TNFRSF1B: variants seen among roughly 807,000 people sequenced by gnomAD.
TNFRSF1B encodes TNF receptor superfamily member 1B, also known as tumor necrosis factor receptor superfamily member 1B.
TNFRSF1B carries 19 observed loss-of-function variants against 44.6 expected under a neutral mutation model. That is an observed-to-expected ratio of 0.43 (90% CI 0.30 to 0.62). The LOEUF (loss-of-function observed/expected upper bound fraction) is 0.62. Among genes scored for constraint, TNFRSF1B ranks in the 20% least tolerant of loss-of-function variants. The pLI is 0.16. For missense variants in TNFRSF1B, 541 were observed against 619.9 expected (o/e 0.87, Z 1.35); for synonymous variants, 252 against 261.1 (o/e 0.97, Z 0.34).
In TNFRSF1B at chr1:12,194,172, G is replaced by A. The variant is rs375458572; in HGVS notation, c.865+140G>A. The A allele has an allele frequency of 3.0e-4, 207 of 691,212 alleles. No homozygotes were observed. The African/African-American group carries it at 3.5e-3, about 12-fold the overall frequency. The allele number at this position is 691,212 out of a possible 1,614,324, so 42.8% of individuals were successfully genotyped here. A position where few individuals can be genotyped will look rare whatever the true frequency, so the allele number is the denominator to read the frequency against. On this transcript the variant is annotated intron_variant, in intron 7 of 9. Coordinates refer to ENST00000376259, the MANE Select transcript of TNFRSF1B (RefSeq NM_001066.3). ...GGTCCTTGTTCTGTAGGAGCTTAAG[G>A]CCTGGGGTGAAGGTACCTCTGCTAA... is the stretch of plus-strand genomic sequence containing the variant.
intron 1 of TNFRSF1B, among the ~76,000 whole-genome samples, chr1:12,181,786 G>A (rs1034983379): frequency 3.9e-5 from 6 of 152,116 alleles, no homozygotes; most frequent in African/African-American, 1.4e-4. Flanking sequence ...AGAGGCCCAG[G>A]ACCAGCCCAA....
At chr1:12,181,934 G>A (rs816050) in intron 1 of TNFRSF1B, among the ~76,000 whole-genome samples, 30,925 of 152,132 alleles carry the variant, frequency 0.2, 3,269 homozygotes, top group African/African-American at 0.25. Flanking sequence ...AAGAACCCAG[G>A]GCTGGTCCTT....
intron 4 of TNFRSF1B, 137 bp from the exon 5 acceptor site, chr1:12,192,294 G>A: frequency 1.4e-6 from 1 of 732,916 alleles, no homozygotes; most frequent in Non-Finnish European, 2.4e-6. Flanking sequence ...GTGTGTGTGT[G>A]TGTGTGTGTG....
rs551798712 is a variant in TNFRSF1B at position 12,199,693 on chromosome 1, T to A, written c.901-2274T>A. ...GCTCCCTCTGGAGGGAGGCAGGAGG[T>A]CTCAGCCTTTCTTGGGGGGCGGTGG... is the stretch of plus-strand genomic sequence containing the variant. On this transcript the variant is annotated intron_variant, in intron 8 of 9. Coordinates refer to ENST00000376259, the MANE Select transcript of TNFRSF1B (RefSeq NM_001066.3). The surrounding 1 kb of genome is among the most constrained non-coding windows in gnomAD (Gnocchi z 4.0). 6.6e-6 allele frequency among the ~76,000 whole-genome samples: 1 copy of A among 151,922 alleles called. No homozygotes were observed. The highest frequency in any genetic ancestry group is 1.9e-4 in the East Asian group (1 of 5,150).
At chr1:12,202,214 G>T (rs775218211) in intron 9 of TNFRSF1B, 43 bp downstream of exon 9, 1 of 1,532,534 alleles carries the variant, frequency 6.5e-7, no homozygotes, top group Non-Finnish European at 8.7e-7. Context: ...AAGCCTCCTT[G>T]GTCTTTCTCA....
intron 1 of TNFRSF1B, 49 bp from the exon 2 acceptor site, chr1:12,188,747 G>C (rs1639041995): frequency 6.4e-7 from 1 of 1,570,644 alleles, no homozygotes; most frequent in Non-Finnish European, 8.7e-7. Context: ...AGGCATGGCA[G>C]AACCCAGGGG....
chr1:12,205,617 A>G (rs1639485606), intron 9 of TNFRSF1B, among the ~76,000 whole-genome samples: 1 of 151,978 alleles, frequency 6.6e-6, no homozygotes, highest in Non-Finnish European at 1.5e-5. Context: ...TGCAGAAGTC[A>G]TCTTTTGTTT....
At chr1:12,174,926 G>C (rs12090385) in intron 1 of TNFRSF1B, among the ~76,000 whole-genome samples, 1 of 152,218 alleles carries the variant, frequency 6.6e-6, no homozygotes, top group Non-Finnish European at 1.5e-5. Context: ...CGGAGACAGC[G>C]CAGAAATCAC....
At position 12,168,725 on chromosome 1, in the gene TNFRSF1B, T is replaced by TC. The variant is rs1334860171; in HGVS notation, c.78+1559dup. ...GACCAGCTCCTGCGGCAGCTCATAT[T>TC]CCCTCCTCCCTCATCCCTGCTCCCC... On this transcript the variant is annotated intron_variant, in intron 1 of 9. Coordinates refer to ENST00000376259, the MANE Select transcript of TNFRSF1B (RefSeq NM_001066.3). This position sits in a 1 kb window ranked among gnomAD's most constrained non-coding sequence, Gnocchi z 4.7. Among the ~76,000 whole-genome samples the TC allele has an allele frequency of 1.3e-5, 2 of 151,964 alleles. No homozygotes were observed. The highest frequency in any genetic ancestry group is 2.4e-5 in the African/African-American group (1 of 41,362).
In TNFRSF1B at chr1:12,199,936, G is replaced by C. The variant is rs1004529450; in HGVS notation, c.901-2031G>C. ...CAATCGCTTAGAATTCCAAGGCAAG[G>C]GTGTGAGCGCCTGGCCAGCCAGTGG... is the stretch of plus-strand genomic sequence containing the variant. On this transcript the variant is annotated intron_variant, in intron 8 of 9. Transcript: ENST00000376259. This position sits in a 1 kb window ranked among gnomAD's most constrained non-coding sequence, Gnocchi z 4.0. Among the ~76,000 whole-genome samples, 5 of 152,122 alleles carry C rather than the reference G, an allele frequency of 3.3e-5. No homozygotes were observed. Among genetic ancestry groups the C allele is most frequent in the Non-Finnish European group, 7.4e-5 (5 of 67,984 alleles).
Position 12,191,685 on chromosome 1 carries a change from CGCTGTCTGAGAGTGCTGG to C in TNFRSF1B, c.308-80_308-63del, listed in dbSNP as rs1639134842. The C allele has an allele frequency of 5.8e-6, 9 of 1,554,640 alleles. No individual in the cohort carries two copies. The East Asian group carries it at 2.1e-4, about 36-fold the overall frequency. ...GCGGTCCGCCAGCCTCCTGGAGATC[CGCTGTCTGAGAGTGCTGG>C]GCTGTCTGGGAGGGCAGCGTGGGTG... On this transcript the variant is annotated intron_variant, in intron 3 of 9. Transcript: ENST00000376259.
intron 8 of TNFRSF1B, among the ~76,000 whole-genome samples, chr1:12,200,781 C>T (rs577902362): frequency 6.6e-6 from 1 of 152,220 alleles, no homozygotes; most frequent in East Asian, 1.9e-4. Flanking sequence ...AGCCACCACG[C>T]CAGCTAATTT....
At position 12,171,009 on chromosome 1, in the gene TNFRSF1B, T is replaced by A. The variant is rs1299306715; in HGVS notation, c.78+3840T>A. Among the ~76,000 whole-genome samples the A allele has an allele frequency of 6.7e-6, 1 of 150,102 alleles. No individual in the cohort carries two copies. Among genetic ancestry groups the A allele is most frequent in the Non-Finnish European group, 1.5e-5 (1 of 67,476 alleles). ...CTTCTTCTTCTTTTTTTCTATTTAATTTTTTTTTATTGAGATAGAGTCTTA... is the reference window on the plus strand; with the variant it reads ...CTTCTTCTTCTTTTTTTCTATTTAAATTTTTTTTATTGAGATAGAGTCTTA... On this transcript the variant is annotated intron_variant, in intron 1 of 9. Coordinates refer to ENST00000376259, the MANE Select transcript of TNFRSF1B (RefSeq NM_001066.3). This position sits in a 1 kb window ranked among gnomAD's most constrained non-coding sequence, Gnocchi z 4.5.
At chr1:12,176,002 G>A (rs1469675369) in intron 1 of TNFRSF1B, among the ~76,000 whole-genome samples, 5 of 151,826 alleles carry the variant, frequency 3.3e-5, no homozygotes, top group African/African-American at 1.2e-4. Context: ...ATCACTTGAG[G>A]TCAGGAGTTG....
In TNFRSF1B at chr1:12,180,973, G is replaced by A. The variant is rs927784687; in HGVS notation, c.79-7823G>A. On this transcript the variant is annotated intron_variant, in intron 1 of 9. Transcript: ENST00000376259. This position sits in a 1 kb window ranked among gnomAD's most constrained non-coding sequence, Gnocchi z 4.3. ...GAGTTAGCCCAAGGTCCCTGTCAAG[G>A]AGGACCACATCTGGCCTGTTGCACT... Among the ~76,000 whole-genome samples the A allele has an allele frequency of 6.6e-6, 1 of 152,156 alleles. No homozygotes were observed. The highest frequency in any genetic ancestry group is 1.5e-5 in the Non-Finnish European group (1 of 68,022).
intron 6 of TNFRSF1B, 104 bp downstream of exon 6, chr1:12,193,202 G>A (rs1308829879): frequency 1.9e-6 from 2 of 1,051,878 alleles, no homozygotes; most frequent in East Asian, 2.6e-5. Flanking sequence ...CGGGGGGCTG[G>A]ACCCTGTGCC....
At chr1:12,205,062 T>G (rs1391038382) in intron 9 of TNFRSF1B, among the ~76,000 whole-genome samples, 1 of 151,618 alleles carries the variant, frequency 6.6e-6, no homozygotes, top group East Asian at 1.9e-4. Flanking sequence ...AGAGTCTGGT[T>G]GGGGACCCCA....
intron 9 of TNFRSF1B, among the ~76,000 whole-genome samples, chr1:12,204,818 C>A (rs1016540469): frequency 1.2e-4 from 18 of 151,400 alleles, no homozygotes; most frequent in East Asian, 7.7e-4. Context: ...CCACCACCAA[C>A]AAAAAAACCC....
rs569452909 is a variant in TNFRSF1B, at chr1:12,204,648, G to A, written c.1106-2092G>A. Among the ~76,000 whole-genome samples, 20 of 152,344 alleles carry A rather than the reference G, an allele frequency of 1.3e-4. No homozygotes were observed. The South Asian group carries it at 2.3e-3, about 17-fold the overall frequency. On this transcript the variant is annotated intron_variant, in intron 9 of 9. Transcript: ENST00000376259. The stretch of plus-strand genomic sequence containing the variant: ...GTTAGAAAACTCAGTTGCCCACAGG[G>A]GCTGGGCAGGAAGGTGAGGCAAACC...
Sources: allele counts gnomAD v4.1 joint callset (sites outside exome capture counted in the v4.1 genomes callset), GRCh38; gene constraint gnomAD v4.1.1; non-coding constraint Gnocchi (gnomAD v3.1); transcripts MANE v1.5; gene names NCBI Gene and HGNC (gene_info 2026-07-23, HGNC 2026-07-21).